BANK1: variants seen among roughly 807,000 people sequenced by gnomAD.
BANK1 encodes B cell scaffold protein with ankyrin repeats 1.
BANK1 carries 95 observed loss-of-function variants against 94.5 expected under a neutral mutation model. The observed-to-expected ratio is 1.00, with a 90% CI of 0.85 to 1.19. The LOEUF is 1.19. BANK1 is among the 50% of genes most tolerant of loss of function. The pLI is 0.00. For missense variants in BANK1, 987 were observed against 932.2 expected, an observed-to-expected ratio of 1.06 and a Z score of -0.77; for synonymous variants, 334 against 308.4, an observed-to-expected ratio of 1.08 and a Z score of -0.87.
intron 5 of BANK1, among the ~76,000 whole-genome samples, chr4:101,893,445 T>G (rs372898358): frequency 6.6e-5 from 10 of 152,192 alleles, no homozygotes; most frequent in African/African-American, 2.2e-4. Flanking sequence ...TGTAAAAATG[T>G]CAATGGCTAG....
chr4:101,870,617 G>A lies in BANK1; in HGVS notation c.876G>A (p.Met292Ile). ...TAKAKECLFRMADSGESLCQN... is the reference protein window; with the variant it reads ...TAKAKECLFRIADSGESLCQN... Reference sequence around the variant, plus strand: ...AGGCAAAGGAATGCCTATTCAGAATGGCAGATTCAGGAGAGAGTTTGTGCC... The same window carrying A: ...AGGCAAAGGAATGCCTATTCAGAATAGCAGATTCAGGAGAGAGTTTGTGCC... Residue 292 changes from methionine (M) to isoleucine (I), a missense_variant, in exon 5 of 17, where the codon ATG becomes ATA. Coordinates refer to ENST00000322953, the MANE Select transcript of BANK1 (RefSeq NM_017935.5). 6.2e-7 allele frequency: 1 copy of A among 1,611,746 alleles called. No individual in the cohort carries two copies. The highest frequency in any genetic ancestry group is 8.5e-7 in the Non-Finnish European group (1 of 1,178,914).
chr4:101,919,834 G>A (rs553854408), intron 7 of BANK1, among the ~76,000 whole-genome samples: 8 of 151,990 alleles, frequency 5.3e-5, no homozygotes, highest in East Asian at 3.9e-4. Flanking sequence ...CTGTCAATGC[G>A]TTTTCATGAC....
intron 6 of BANK1, among the ~76,000 whole-genome samples, chr4:101,901,264 A>G (rs1453939691): frequency 1.3e-5 from 2 of 152,224 alleles, no homozygotes; most frequent in African/African-American, 4.8e-5. Flanking sequence ...CTGATTCATT[A>G]TGTACCCCAA....
chr4:101,981,624 G>T (rs1725327844), intron 7 of BANK1, among the ~76,000 whole-genome samples: 1 of 151,988 alleles, frequency 6.6e-6, no homozygotes, highest in African/African-American at 2.4e-5. Flanking sequence ...AGTAACACTG[G>T]AATTATATAT....
At chr4:102,052,489 G>GT (rs141924391) in intron 11 of BANK1, among the ~76,000 whole-genome samples, 5,023 of 151,892 alleles carry the variant, frequency 0.033, 257 homozygotes, top group African/African-American at 0.11. Context: ...GGGAAGGAGA[G>GT]TTTTTTTTGT....
chr4:102,000,027 A>G (rs1726007517), intron 7 of BANK1, among the ~76,000 whole-genome samples: 1 of 152,148 alleles, frequency 6.6e-6, no homozygotes, highest in South Asian at 2.1e-4. Context: ...ACTTTTGAAA[A>G]TGAAAGAGAT....
intron 1 of BANK1, among the ~76,000 whole-genome samples, chr4:101,825,008 T>C (rs558234738): frequency 5.4e-4 from 82 of 152,304 alleles, no homozygotes; most frequent in Non-Finnish European, 5.0e-4. Flanking sequence ...TAAGGCATTA[T>C]TGAATCTGAA....
chr4:102,063,315 A>G (rs777819608), intron 13 of BANK1, among the ~76,000 whole-genome samples, 177 bp downstream of exon 13: 27 of 152,082 alleles, frequency 1.8e-4, no homozygotes, highest in Non-Finnish European at 3.2e-4. Context: ...ATATGCATCT[A>G]TAATTATATA....
intron 1 of BANK1, among the ~76,000 whole-genome samples, chr4:101,801,784 A>T (rs2148850522): frequency 6.6e-6 from 1 of 152,362 alleles, no homozygotes; most frequent in South Asian, 2.1e-4. Flanking sequence ...TTTAAAATGT[A>T]AACTTTGTCT....
chr4:102,015,449 T>C (rs890335698), intron 7 of BANK1, among the ~76,000 whole-genome samples: 2 of 152,246 alleles, frequency 1.3e-5, no homozygotes, highest in East Asian at 3.9e-4. Context: ...CATTTTATAG[T>C]TACATCCCCA....
intron 8 of BANK1, among the ~76,000 whole-genome samples, chr4:102,024,847 AT>A (rs1360813592): frequency 1.3e-5 from 2 of 152,174 alleles, no homozygotes; most frequent in East Asian, 3.8e-4. Flanking sequence ...TCCATCATTT[AT>A]TATTTTATTG....
intron 7 of BANK1, among the ~76,000 whole-genome samples, chr4:102,018,230 T>A (rs1726779379): frequency 6.6e-6 from 1 of 152,214 alleles, no homozygotes; most frequent in African/African-American, 2.4e-5. Context: ...TTCTTCAGCC[T>A]AGTACATTTA....
intron 11 of BANK1, among the ~76,000 whole-genome samples, chr4:102,049,397 C>T (rs185093315): frequency 6.6e-6 from 1 of 152,170 alleles, no homozygotes; most frequent in Admixed American, 6.5e-5. Context: ...ACAGAAGGGC[C>T]TTTTCTATCT....
intron 9 of BANK1, among the ~76,000 whole-genome samples, chr4:102,029,120 C>T (rs1296467251): frequency 6.6e-6 from 1 of 152,118 alleles, no homozygotes; most frequent in African/African-American, 2.4e-5. Flanking sequence ...TCTCAAATTC[C>T]TGGCCTCCAG....
intron 7 of BANK1, among the ~76,000 whole-genome samples, chr4:101,930,843 T>A (rs1723314118): frequency 6.6e-6 from 1 of 151,456 alleles, no homozygotes; most frequent in Admixed American, 6.6e-5. Context: ...ACTTAACCAT[T>A]TTTAGTATAT....
intron 2 of BANK1, among the ~76,000 whole-genome samples, chr4:101,851,496 G>A (rs1252963854): frequency 1.3e-5 from 2 of 152,166 alleles, no homozygotes; most frequent in African/African-American, 2.4e-5. Flanking sequence ...GGTAAGAAAA[G>A]GTGCCTCAAA....
intron 1 of BANK1, among the ~76,000 whole-genome samples, chr4:101,815,225 T>C (rs929715124): frequency 2.0e-5 from 3 of 152,138 alleles, no homozygotes; most frequent in Non-Finnish European, 4.4e-5. Flanking sequence ...ACATATGCCC[T>C]CATGCTACAG....
intron 7 of BANK1, among the ~76,000 whole-genome samples, chr4:101,977,290 C>T (rs562014094): frequency 3.0e-4 from 46 of 152,264 alleles, no homozygotes; most frequent in Non-Finnish European, 3.1e-4. Flanking sequence ...GAATCACACA[C>T]TGGTTCTTAA....
chr4:101,945,555 A>G (rs1723899951), intron 7 of BANK1, among the ~76,000 whole-genome samples: 2 of 152,002 alleles, frequency 1.3e-5, no homozygotes, highest in Admixed American at 6.6e-5. Context: ...TTAGTAGACC[A>G]TGAATCAATA....
Sources: gnomAD v4.1 joint callset for allele counts (sites outside exome capture counted in the v4.1 genomes callset) on GRCh38, gnomAD v4.1.1 for gene constraint, MANE v1.5 for transcripts, NCBI Gene and HGNC (gene_info 2026-07-23, HGNC 2026-07-21) for gene names.